KLHDC8A: variants seen among roughly 807,000 people sequenced by gnomAD.
KLHDC8A encodes the protein kelch domain-containing protein 8A.
KLHDC8A carries 21 observed loss-of-function variants against 33.1 expected under a neutral mutation model. The observed-to-expected ratio is 0.64, with a 90% CI of 0.45 to 0.91. The LOEUF (loss-of-function observed/expected upper bound fraction) is 0.91. KLHDC8A is among the 40% of genes least tolerant of loss of function. The probability of loss-of-function intolerance (pLI) is 0.00; values close to 1 mark genes in which losing one functional copy is unlikely to be tolerated. For synonymous variants in KLHDC8A, 173 were observed against 193.5 expected (o/e 0.89, Z 0.88); for missense variants, 435 against 483.3 (o/e 0.90, Z 0.94).
intron 1 of KLHDC8A, among the ~76,000 whole-genome samples, chr1:205,350,844 C>CGCATGTGTGTGT (rs562233278): frequency 3.8e-5 from 2 of 52,622 alleles, no homozygotes; most frequent in Non-Finnish European, 9.2e-5. Flanking sequence ...TGTGCGCGCA[C>CGCATGTGTGTGT]GCATGTGTGT....
intron 2 of KLHDC8A, among the ~76,000 whole-genome samples, chr1:205,341,271 T>A (rs1469486180): frequency 6.6e-6 from 1 of 152,052 alleles, no homozygotes; most frequent in African/African-American, 2.4e-5. Flanking sequence ...CAGCAGCCAG[T>A]CCTCAATGCT....
rs140213604 is a variant in KLHDC8A, at chr1:205,343,410, C to A, written c.195G>T (p.Leu65=). Residue 65 remains leucine, a synonymous_variant, in exon 2 of 6, where the codon CTG becomes CTT. Coordinates refer to ENST00000367155, the MANE Select transcript of KLHDC8A (RefSeq NM_018203.3). Reference sequence around the variant, plus strand: ...CGGCCACCCCCGCCCGGGCTGTGGGCAGCCGGGGCAAGGCGGTCCACTGGT... The same window carrying A: ...CGGCCACCCCCGCCCGGGCTGTGGGAAGCCGGGGCAAGGCGGTCCACTGGT... ...EADQWTALPR[L]PTARAGVAVT... is the part of the protein sequence containing the mutation. 3.3e-5 allele frequency: 54 copies of A among 1,613,210 alleles called. No homozygotes were observed. Among genetic ancestry groups the A allele is most frequent in the Non-Finnish European group, 2.8e-5 (33 of 1,179,800 alleles).
Position 205,339,515 on chromosome 1 carries a change from T to G in KLHDC8A, c.542-106A>C. On this transcript the variant is annotated intron_variant, in intron 3 of 5. Transcript: ENST00000367155. This position sits in a 1 kb window ranked among gnomAD's most constrained non-coding sequence, Gnocchi z 5.1. ...ACAGTTACTCATTCATACAGGAAGC[T>G]CCCGGTGGGCTGGGCAGTGTGATTA... 7.1e-7 allele frequency: 1 copy of G among 1,415,202 alleles called. No homozygotes were observed. Among genetic ancestry groups the G allele is most frequent in the Non-Finnish European group, 9.8e-7 (1 of 1,021,330 alleles). 87.7% of individuals were successfully genotyped at this position (1,415,202 alleles called of 1,614,324 possible).
chr1:205,337,126 T>C lies in KLHDC8A; in HGVS notation c.*273A>G, dbSNP rs1356227317. The C allele has an allele frequency of 4.3e-6, 2 of 466,634 alleles. No individual in the cohort carries two copies. Among genetic ancestry groups the C allele is most frequent in the Non-Finnish European group, 7.7e-6 (2 of 258,328 alleles). The allele number at this position is 466,634 out of a possible 1,614,324, so 28.9% of individuals were successfully genotyped here. On this transcript the variant is annotated 3_prime_UTR_variant, in exon 6 of 6. Coordinates refer to ENST00000367155, the MANE Select transcript of KLHDC8A (RefSeq NM_018203.3). ...CACAGGAGGGAGAGGTAGGAAATAT[T>C]CCTGTGCCTTTCTTTGCCTGTGCAG...
chr1:205,349,630 AC>A (rs1402420429), intron 1 of KLHDC8A, among the ~76,000 whole-genome samples: 1 of 152,170 alleles, frequency 6.6e-6, no homozygotes, highest in Non-Finnish European at 1.5e-5. Flanking sequence ...CCCTGTGCTT[AC>A]TGAGGAAATC....
In KLHDC8A at chr1:205,339,877, T is replaced by C. The variant is rs1364011603; in HGVS notation, c.377-69A>G. 1 of 1,479,910 alleles carries C rather than the reference T, an allele frequency of 6.8e-7. No individual in the cohort carries two copies. Among genetic ancestry groups the C allele is most frequent in the Non-Finnish European group, 9.2e-7 (1 of 1,083,194 alleles). The allele number at this position is 1,479,910 out of a possible 1,614,324, so 91.7% of individuals were successfully genotyped here. ...ACAGCAAGACAGGCCCACCAGCATC[T>C]ATTGCCTCCCATGGCCAGGCCAAGC... On this transcript the variant is annotated intron_variant, in intron 2 of 5. Transcript: ENST00000367155. This position sits in a 1 kb window ranked among gnomAD's most constrained non-coding sequence, Gnocchi z 5.1.
intron 1 of KLHDC8A, among the ~76,000 whole-genome samples, chr1:205,351,731 C>T (rs551432534): frequency 6.6e-6 from 1 of 151,860 alleles, no homozygotes; most frequent in East Asian, 1.9e-4. Flanking sequence ...CCAGCCTGAT[C>T]AACATGGAGA....
At chr1:205,345,633 C>T (rs986294679) in intron 1 of KLHDC8A, among the ~76,000 whole-genome samples, 10 of 151,836 alleles carry the variant, frequency 6.6e-5, no homozygotes, top group Admixed American at 3.9e-4. Context: ...CCCAAATACT[C>T]GGGAGGCTGA....
chr1:205,342,802 A>T (rs1234680665), intron 2 of KLHDC8A, among the ~76,000 whole-genome samples: 1 of 152,228 alleles, frequency 6.6e-6, no homozygotes, highest in African/African-American at 2.4e-5. Context: ...AAAACCATGT[A>T]GTGAGGACAT....
At chr1:205,356,406 G>T (rs950010625) in intron 1 of KLHDC8A, 127 bp downstream of exon 1, 2 of 407,634 alleles carry the variant, frequency 4.9e-6, no homozygotes, top group African/African-American at 2.0e-5. Flanking sequence ...TGTCCCTCCT[G>T]ACCCCCATGC....
At chr1:205,350,597 T>A (rs1422197350) in intron 1 of KLHDC8A, among the ~76,000 whole-genome samples, 2 of 152,134 alleles carry the variant, frequency 1.3e-5, no homozygotes, top group Non-Finnish European at 2.9e-5. Context: ...GCTCTTTAAA[T>A]GCCCATTAGT....
At chr1:205,347,426 T>C (rs1574912469) in intron 1 of KLHDC8A, among the ~76,000 whole-genome samples, 1 of 152,178 alleles carries the variant, frequency 6.6e-6, no homozygotes, top group East Asian at 1.9e-4. Context: ...TTAAAAAGCA[T>C]TTGAGTTTTT....
At position 205,338,676 on chromosome 1, in the gene KLHDC8A, A is replaced by G. The variant is rs141485709; in HGVS notation, c.758-80T>C. The G allele has an allele frequency of 2.2e-5, 25 of 1,130,644 alleles. No individual in the cohort carries two copies. In the East Asian group the frequency reaches 3.8e-4, roughly 17 times the overall value. 70.0% of individuals were successfully genotyped at this position (1,130,644 alleles called of 1,614,324 possible). A position where few individuals can be genotyped will look rare whatever the true frequency, so the allele number is the denominator to read the frequency against. ...CCCACCAAATGCAGATTGTGGCCCA[A>G]ATAGCTTTCACCCTGGGCAGTGTCT... On this transcript the variant is annotated intron_variant, in intron 4 of 5. Transcript: ENST00000367155.
intron 1 of KLHDC8A, among the ~76,000 whole-genome samples, chr1:205,351,871 A>G (rs1244967185): frequency 1.3e-5 from 2 of 151,866 alleles, no homozygotes; most frequent in Admixed American, 6.6e-5. Flanking sequence ...GTGAGCTGAG[A>G]TGGTGCCATT....
At chr1:205,338,013 T>G (rs1662682054) in intron 5 of KLHDC8A, among the ~76,000 whole-genome samples, 1 of 152,202 alleles carries the variant, frequency 6.6e-6, no homozygotes. Flanking sequence ...GATGGGGAAC[T>G]TCTCGCTTTA....
intron 4 of KLHDC8A, 88 bp from the exon 5 acceptor site, chr1:205,338,684 T>C: frequency 9.7e-7 from 1 of 1,032,474 alleles, no homozygotes; most frequent in Non-Finnish European, 1.5e-6. Flanking sequence ...CAAATAGCTT[T>C]CACCCTGGGC....
chr1:205,346,321 T>G (rs376542153), intron 1 of KLHDC8A, among the ~76,000 whole-genome samples: 1 of 152,204 alleles, frequency 6.6e-6, no homozygotes, highest in Non-Finnish European at 1.5e-5. Flanking sequence ...TTGAACTGTC[T>G]TCACAAAATC....
intron 1 of KLHDC8A, among the ~76,000 whole-genome samples, chr1:205,352,515 G>C (rs1011633682): frequency 6.6e-6 from 1 of 152,332 alleles, no homozygotes; most frequent in East Asian, 1.9e-4. Context: ...CTAGGGAGAC[G>C]GCAATCTGCT....
rs544447803 is a variant in KLHDC8A at position 205,342,920 on chromosome 1, T to C, written c.376+309A>G. Among the ~76,000 whole-genome samples the C allele has an allele frequency of 1.1e-4, 16 of 151,926 alleles. No homozygotes were observed. In the Middle Eastern group the frequency reaches 0.01, roughly 98 times the overall value. ...GGGAGGCAGAGGGGCAGGTTGAAGG[T>C]GGAAGAGGCCCCTGGAATCAGGTCC... On this transcript the variant is annotated intron_variant, in intron 2 of 5. Transcript: ENST00000367155.
Sources: gnomAD v4.1 joint callset for allele counts (sites outside exome capture counted in the v4.1 genomes callset) on GRCh38, gnomAD v4.1.1 for gene constraint, Gnocchi (gnomAD v3.1) non-coding constraint, MANE v1.5 for transcripts, NCBI Gene and HGNC (gene_info 2026-07-23, HGNC 2026-07-21) for gene names.